The following GALNT16 variants were observed in gnomAD, a reference collection of about 807,000 sequenced individuals.
GALNT16 encodes the protein UDP-GalNAc:polypeptide N-acetylgalactosaminyltransferase-like protein 1.
Under a neutral mutation model 76.1 loss-of-function variants are expected in GALNT16, and 40 were observed. The observed-to-expected ratio is 0.53, with a 90% CI of 0.41 to 0.68. The LOEUF is 0.68. Ranked by LOEUF, GALNT16 falls within the 30% of genes least tolerant of loss-of-function variation. The probability of loss-of-function intolerance (pLI) is 0.00; values close to 1 mark genes in which losing one functional copy is unlikely to be tolerated. For synonymous variants in GALNT16, 276 were observed against 285.2 expected (o/e 0.97, Z 0.32); for missense variants, 621 against 731.9 (o/e 0.85, Z 1.75).
the GALNT16 span, among the ~76,000 whole-genome samples, chr14:69,382,972 A>C: frequency 6.6e-6 from 1 of 152,212 alleles, no homozygotes; most frequent in Non-Finnish European, 1.5e-5. Flanking sequence ...TTTATATAAG[A>C]ACAGAAGCTG....
In GALNT16 at chr14:69,333,166, T is replaced by C. The variant is rs2045376389; in HGVS notation, c.860T>C (p.Ile287Thr). Residue 287 changes from isoleucine (I) to threonine (T), a missense_variant, in exon 8 of 15, where the codon ATA (isoleucine) becomes ACA (threonine). By Grantham distance (89) the Ile-to-Thr change is moderately conservative. Coordinates refer to ENST00000448469, the MANE Select transcript of GALNT16 (RefSeq NM_001168368.2). The surrounding 1 kb of genome is among the most constrained non-coding windows in gnomAD (Gnocchi z 4.2). Reference sequence around the variant, plus strand: ...ACCCGGACAGACCCCACCAGGCCCATAAGGTCAGAGCTGCGGTGGGCTCTG... The same window carrying C: ...ACCCGGACAGACCCCACCAGGCCCACAAGGTCAGAGCTGCGGTGGGCTCTG... ...KMTRTDPTRP[I>T]RTPVIAGGIF... 6.2e-7 allele frequency: 1 copy of C among 1,606,410 alleles called. No individual in the cohort carries two copies. The highest frequency in any genetic ancestry group is 8.5e-7 in the Non-Finnish European group (1 of 1,174,200).
intron 5 of GALNT16, 125 bp from the exon 6 acceptor site, chr14:69,328,325 A>G: frequency 1.0e-6 from 1 of 1,000,654 alleles, no homozygotes; most frequent in Non-Finnish European, 1.5e-6. Context: ...ATAAAGTCAA[A>G]TCTAATCACA....
rs114572620 is a variant in GALNT16 at position 69,334,770 on chromosome 14, C to T, written c.967+1170C>T. On this transcript the variant is annotated intron_variant, in intron 9 of 14. Transcript: ENST00000448469. Reference sequence around the variant, plus strand: ...CCCCGTCATCTCCTGCTGGTGCCTCCCTGTCTGCCTGAGGAAGGGAACCCA... The same window carrying T: ...CCCCGTCATCTCCTGCTGGTGCCTCTCTGTCTGCCTGAGGAAGGGAACCCA... 3.7e-3 allele frequency among the ~76,000 whole-genome samples: 560 copies of T among 152,300 alleles called. 4 individuals are homozygous for T. Among genetic ancestry groups the T allele is most frequent in the African/African-American group, 0.013 (526 of 41,566 alleles).
the GALNT16 span, chr14:69,380,756 C>A: frequency 1.7e-6 from 1 of 603,132 alleles, no homozygotes; most frequent in Admixed American, 3.0e-5. Context: ...CAAAAATGAA[C>A]TTAATGAAAA....
intron 6 of GALNT16, 60 bp from the exon 7 acceptor site, chr14:69,331,404 G>A: frequency 1.1e-6 from 1 of 934,294 alleles, no homozygotes; most frequent in South Asian, 1.3e-5. Flanking sequence ...AGAGCAGGCA[G>A]CTAGGCCTTT....
chr14:69,382,263 T>C, the GALNT16 span, among the ~76,000 whole-genome samples: 840 of 152,360 alleles, frequency 5.5e-3, 6 homozygotes, highest in African/African-American at 0.019. Context: ...TAAAAATGCT[T>C]AACCAAATTT....
chr14:69,279,147 G>T (rs777344905), intron 1 of GALNT16, among the ~76,000 whole-genome samples: 6 of 152,074 alleles, frequency 3.9e-5, no homozygotes, highest in Non-Finnish European at 7.4e-5. Context: ...GGCCAGGCTG[G>T]TCTCGAAATC....
intron 14 of GALNT16, 60 bp downstream of exon 14, chr14:69,348,062 G>T: frequency 6.4e-7 from 1 of 1,562,488 alleles, no homozygotes; most frequent in South Asian, 1.1e-5. Context: ...GCCTCAGGGT[G>T]GCAGACCTTG....
chr14:69,299,749 G>C (rs1594833009), intron 1 of GALNT16, among the ~76,000 whole-genome samples: 1 of 152,282 alleles, frequency 6.6e-6, no homozygotes, highest in Non-Finnish European at 1.5e-5. Flanking sequence ...AAGCCTCCAA[G>C]AAGCGTATTG....
chr14:69,316,733 G>T (rs1297921655), intron 1 of GALNT16, among the ~76,000 whole-genome samples: 2 of 142,010 alleles, frequency 1.4e-5, no homozygotes, highest in African/African-American at 5.3e-5. Context: ...CCTGCCCAGA[G>T]AGCGCCTCAG....
At chr14:69,366,990 G>A in the GALNT16 span, among the ~76,000 whole-genome samples, 1 of 152,146 alleles carries the variant, frequency 6.6e-6, no homozygotes, top group South Asian at 2.1e-4. Context: ...ACGCCTGAAT[G>A]GAGCCTTAAC....
chr14:69,264,105 G>A (rs1392307993), intron 1 of GALNT16, among the ~76,000 whole-genome samples: 1 of 152,168 alleles, frequency 6.6e-6, no homozygotes, highest in Non-Finnish European at 1.5e-5. Flanking sequence ...GGGAGGCTAA[G>A]GTGTTATATG....
the GALNT16 span, among the ~76,000 whole-genome samples, chr14:69,369,570 C>T: frequency 6.6e-6 from 1 of 152,150 alleles, no homozygotes. Context: ...TCTTAGGGAA[C>T]GGAGTGGTTA....
In GALNT16 at chr14:69,326,021, C is replaced by T. The variant is rs538637397; in HGVS notation, c.562C>T (p.Arg188Trp). The change falls in exon 5 of 15, where the codon CGG becomes TGG. Residue 188 changes from arginine (R) to tryptophan (W), a missense_variant. Physicochemically the swap from Arg to Trp is moderately radical, Grantham distance 101 (BLOSUM62 -3). Coordinates refer to ENST00000448469, the MANE Select transcript of GALNT16 (RefSeq NM_001168368.2). Reference protein sequence around the residue: ...PKVKCLRNDRREGLIRSRVRG... With the variant: ...PKVKCLRNDRWEGLIRSRVRG... ...GGTCAAGTGCCTGCGCAATGATCGG[C>T]GGGAAGGTGAGTCCTTGCACCCTGG... The T allele has an allele frequency of 5.0e-6, 8 of 1,613,286 alleles. No homozygotes were observed. Among genetic ancestry groups the T allele is most frequent in the South Asian group, 1.1e-5 (1 of 91,060 alleles).
the GALNT16 span, among the ~76,000 whole-genome samples, chr14:69,383,228 G>C: frequency 6.6e-6 from 1 of 152,154 alleles, no homozygotes; most frequent in African/African-American, 2.4e-5. Flanking sequence ...AAATTTTCAT[G>C]CCTACATTTT....
At chr14:69,375,827 A>G in the GALNT16 span, among the ~76,000 whole-genome samples, 1 of 152,170 alleles carries the variant, frequency 6.6e-6, no homozygotes, top group Non-Finnish European at 1.5e-5. Flanking sequence ...TCGTAGAGAC[A>G]GGGTCTTGCT....
chr14:69,331,405 C>T, intron 6 of GALNT16, 59 bp from the exon 7 acceptor site: 3 of 940,746 alleles, frequency 3.2e-6, no homozygotes, highest in Non-Finnish European at 5.3e-6. Flanking sequence ...GAGCAGGCAG[C>T]TAGGCCTTTT....
chr14:69,314,077 G>A (rs1057311222), intron 1 of GALNT16, among the ~76,000 whole-genome samples: 1 of 152,222 alleles, frequency 6.6e-6, no homozygotes, highest in Non-Finnish European at 1.5e-5. Flanking sequence ...GGTTTAGTTG[G>A]TCTTGGGTAT....
chr14:69,269,793 T>C (rs1036264782), intron 1 of GALNT16, among the ~76,000 whole-genome samples: 1 of 149,102 alleles, frequency 6.7e-6, no homozygotes, highest in African/African-American at 2.6e-5. Context: ...TGTGTGTGTC[T>C]GTGTGCATTT....
Sources: allele counts gnomAD v4.1 joint callset (sites outside exome capture counted in the v4.1 genomes callset), GRCh38; gene constraint gnomAD v4.1.1; non-coding constraint Gnocchi (gnomAD v3.1); transcripts MANE v1.5; gene names NCBI Gene and HGNC (gene_info 2026-07-23, HGNC 2026-07-21).